The following RECK variants were observed in gnomAD, a reference collection of about 807,000 sequenced individuals.
RECK encodes reversion inducing cysteine rich protein with kazal motifs.
A neutral mutation model predicts 115.1 loss-of-function variants in RECK; 69 were observed. The ratio of observed to expected loss-of-function variants is 0.60; its 90% CI spans 0.49 to 0.73. The LOEUF is 0.73. Among genes scored for constraint, RECK ranks in the 30% least tolerant of loss-of-function variants. RECK has a pLI of 0.00. For synonymous variants in RECK, 414 were observed against 419.7 expected (o/e 0.99, Z 0.17); for missense variants, 1,047 against 1,203.7 (o/e 0.87, Z 1.93).
chr9:36,068,693 A>G (rs1822107864), intron 6 of RECK, among the ~76,000 whole-genome samples: 1 of 152,214 alleles, frequency 6.6e-6, no homozygotes, highest in South Asian at 2.1e-4. Flanking sequence ...GAAGGTGGAA[A>G]ATCTAAGTGA....
chr9:36,114,934 CAA>C (rs1824201734), intron 16 of RECK, among the ~76,000 whole-genome samples: 2 of 152,106 alleles, frequency 1.3e-5, no homozygotes, highest in African/African-American at 4.8e-5. Context: ...GTCTAGGACA[CAA>C]GAGTAGAAGG....
At chr9:36,107,328 G>A (rs1229096268) in intron 13 of RECK, among the ~76,000 whole-genome samples, 9 of 151,390 alleles carry the variant, frequency 5.9e-5, no homozygotes, top group East Asian at 3.9e-4. Context: ...GGTAGCTCAC[G>A]CCTGTAATCC....
intron 10 of RECK, among the ~76,000 whole-genome samples, chr9:36,097,491 G>A (rs183399951): frequency 4.1e-4 from 62 of 152,176 alleles, no homozygotes; most frequent in African/African-American, 1.4e-3. Flanking sequence ...ATCCCTTCAC[G>A]TGTTAAAATG....
chr9:36,108,077 T>C lies in RECK; in HGVS notation c.1678T>C (p.Cys560Arg). Residue 560 changes from cysteine to arginine, a missense_variant, in exon 14 of 21, where the codon TGT becomes CGT. Coordinates refer to ENST00000377966, the MANE Select transcript of RECK (RefSeq NM_021111.3). Reference sequence around the variant, plus strand: ...AGTTGGTTGTTATAAAATCTGTTCATGTGGACAAAGTGGACTCTTAGAAAA... The same window carrying C: ...AGTTGGTTGTTATAAAATCTGTTCACGTGGACAAAGTGGACTCTTAGAAAA... ...GEVGCYKICS[C>R]GQSGLLENCM... is the part of the protein sequence containing the mutation. 4.3e-6 allele frequency: 7 copies of C among 1,614,084 alleles called. No homozygotes were observed. Among genetic ancestry groups the C allele is most frequent in the Non-Finnish European group, 5.9e-6 (7 of 1,179,930 alleles).
At chr9:36,090,613 TAAG>T (rs1588316725) in intron 9 of RECK, among the ~76,000 whole-genome samples, 1 of 152,274 alleles carries the variant, frequency 6.6e-6, no homozygotes, top group Admixed American at 6.5e-5. Context: ...GTACTAAAAA[TAAG>T]AAGATTGTGT....
At chr9:36,078,982 G>A (rs759247839) in intron 6 of RECK, among the ~76,000 whole-genome samples, 14 of 151,992 alleles carry the variant, frequency 9.2e-5, no homozygotes, top group Non-Finnish European at 1.8e-4. Flanking sequence ...TGCAACCTCC[G>A]CCTCCCAGGT....
Position 36,123,145 on chromosome 9 carries a change from G to T in RECK, c.*100G>T. The T allele has an allele frequency of 3.4e-6, 3 of 869,570 alleles. No homozygotes were observed. Among genetic ancestry groups the T allele is most frequent in the South Asian group, 1.8e-5 (1 of 55,160 alleles). The allele number at this position is 869,570 out of a possible 1,614,324, so 53.9% of individuals were successfully genotyped here. On this transcript the variant is annotated 3_prime_UTR_variant, in exon 21 of 21. Coordinates refer to ENST00000377966, the MANE Select transcript of RECK (RefSeq NM_021111.3). Reference sequence around the variant, plus strand: ...TGTAGTTGAATATTGGCCAAGGAAAGGCACATGTCACCTCTATTCGCCACA... The same window carrying T: ...TGTAGTTGAATATTGGCCAAGGAAATGCACATGTCACCTCTATTCGCCACA...
At chr9:36,068,723 C>CA (rs1195584850) in intron 6 of RECK, among the ~76,000 whole-genome samples, 1 of 152,174 alleles carries the variant, frequency 6.6e-6, no homozygotes, top group Non-Finnish European at 1.5e-5. Flanking sequence ...CCCTTCCCAC[C>CA]AATAAATTTG....
At chr9:36,110,113 G>T (rs1290142455) in intron 15 of RECK, 34 bp downstream of exon 15, 9 of 1,567,838 alleles carry the variant, frequency 5.7e-6, no homozygotes, top group Non-Finnish European at 7.9e-6. Flanking sequence ...GTCCTCAGGG[G>T]CCATCATTTC....
At chr9:36,045,380 C>T (rs1385305749) in intron 1 of RECK, among the ~76,000 whole-genome samples, 1 of 152,084 alleles carries the variant, frequency 6.6e-6, no homozygotes, top group Non-Finnish European at 1.5e-5. Context: ...TAAGATTTTA[C>T]ATTAAAAAAC....
At chr9:36,074,100 A>G (rs1822351213) in intron 6 of RECK, among the ~76,000 whole-genome samples, 1 of 152,174 alleles carries the variant, frequency 6.6e-6, no homozygotes, top group East Asian at 1.9e-4. Flanking sequence ...TTTGCCTTAA[A>G]TCCTGGTTTA....
At chr9:36,093,087 C>T (rs1306195547) in intron 10 of RECK, among the ~76,000 whole-genome samples, 1 of 152,080 alleles carries the variant, frequency 6.6e-6, no homozygotes, top group Non-Finnish European at 1.5e-5. Flanking sequence ...CCTAGTAAAC[C>T]CCATAAGGGC....
At chr9:36,091,131 A>G (rs750377303) in intron 9 of RECK, 33 bp from the exon 10 acceptor site, 1 of 1,606,462 alleles carries the variant, frequency 6.2e-7, no homozygotes, top group Non-Finnish European at 8.5e-7. Context: ...TGGTTGGCTC[A>G]TGTCGGCTTC....
At chr9:36,088,130 T>C (rs1279769555) in intron 9 of RECK, among the ~76,000 whole-genome samples, 169 bp downstream of exon 9, 1 of 152,226 alleles carries the variant, frequency 6.6e-6, no homozygotes, top group Non-Finnish European at 1.5e-5. Context: ...GTGTACCGTA[T>C]ACAAAACATT....
At chr9:36,055,985 T>C (rs1821505501) in intron 2 of RECK, among the ~76,000 whole-genome samples, 1 of 152,132 alleles carries the variant, frequency 6.6e-6, no homozygotes. Context: ...TCTTTTTCAA[T>C]CGATTTTTCT....
At chr9:36,066,338 A>G (rs560085097) in intron 6 of RECK, among the ~76,000 whole-genome samples, 7 of 152,332 alleles carry the variant, frequency 4.6e-5, no homozygotes, top group Admixed American at 6.5e-5. Context: ...GTGTAAGGCT[A>G]TGTAATTAAG....
At chr9:36,114,752 G>A (rs1225074949) in intron 16 of RECK, among the ~76,000 whole-genome samples, 1 of 152,136 alleles carries the variant, frequency 6.6e-6, no homozygotes, top group Non-Finnish European at 1.5e-5. Flanking sequence ...GGCTGAGGCA[G>A]GAGAATTGCT....
At position 36,121,603 on chromosome 9, in the gene RECK, A is replaced by G; in HGVS notation, c.2609A>G (p.Gln870Arg). 6.2e-7 allele frequency: 1 copy of G among 1,614,132 alleles called. No individual in the cohort carries two copies. Among genetic ancestry groups the G allele is most frequent in the Non-Finnish European group, 8.5e-7 (1 of 1,179,950 alleles). Residue 870 changes from glutamine (Q) to arginine (R), a missense_variant, in exon 20 of 21, where the codon CAG becomes CGG. Coordinates refer to ENST00000377966, the MANE Select transcript of RECK (RefSeq NM_021111.3). ...ATCCGCATGCACGTGTCTGTCCCACAGTGTGATGTGTTTGGATACTTCAGC... is the reference window on the plus strand; with the variant it reads ...ATCCGCATGCACGTGTCTGTCCCACGGTGTGATGTGTTTGGATACTTCAGC... ...QKIRMHVSVP[Q>R]CDVFGYFSIE...
At position 36,060,120 on chromosome 9, in the gene RECK, T is replaced by C; in HGVS notation, c.236T>C (p.Val79Ala). ...GCCTTTTGTTGGGTACACTTTTAGG[T>C]TGAAATTTGGAATTGTATGAATTCA... ...RAPDYCPETM[V>A]EIWNCMNSSL... The change falls in exon 4 of 21, where the codon GTT becomes GCT. Residue 79 changes from valine (V) to alanine (A), a missense_variant and splice_region_variant. Val to Ala is a moderately conservative substitution (Grantham distance 64). Coordinates refer to ENST00000377966, the MANE Select transcript of RECK (RefSeq NM_021111.3). 1 of 1,613,670 alleles carries C rather than the reference T, an allele frequency of 6.2e-7. No homozygotes were observed. Among genetic ancestry groups the C allele is most frequent in the East Asian group, 2.2e-5 (1 of 44,852 alleles).
Sources: gnomAD v4.1 joint callset for allele counts (sites outside exome capture counted in the v4.1 genomes callset) on GRCh38, gnomAD v4.1.1 for gene constraint, MANE v1.5 for transcripts, NCBI Gene and HGNC (gene_info 2026-07-23, HGNC 2026-07-21) for gene names.